The following GRAMD4 variants were observed in gnomAD, a reference collection of about 807,000 sequenced individuals.
GRAMD4 encodes GRAM domain containing 4.
GRAMD4 carries 25 observed loss-of-function variants against 83.9 expected under a neutral mutation model. The ratio of observed to expected loss-of-function variants is 0.30; its 90% confidence interval spans 0.22 to 0.42. GRAMD4 has a LOEUF of 0.42. GRAMD4 is among the 10% of genes least tolerant of loss of function. The probability of loss-of-function intolerance (pLI) is 1.00; values close to 1 mark genes in which losing one functional copy is unlikely to be tolerated. For synonymous variants in GRAMD4, 336 were observed against 320.9 expected (o/e 1.05, Z -0.50); for missense variants, 593 against 788.7 (o/e 0.75, Z 2.97).
At chr22:46,600,083 A>T (rs936178760) in intron 1 of GRAMD4, among the ~76,000 whole-genome samples, 3 of 152,154 alleles carry the variant, frequency 2.0e-5, no homozygotes, top group South Asian at 2.1e-4. Flanking sequence ...TCATAAAAGG[A>T]TTCTTCCTGA....
intron 2 of GRAMD4, among the ~76,000 whole-genome samples, chr22:46,630,314 C>T (rs1423360798): frequency 6.6e-6 from 1 of 152,226 alleles, no homozygotes; most frequent in Non-Finnish European, 1.5e-5. Context: ...ACGTGAGCCA[C>T]CGCGCCCGAC....
intron 3 of GRAMD4, among the ~76,000 whole-genome samples, chr22:46,656,089 C>T (rs996276418): frequency 2.0e-5 from 3 of 151,990 alleles, no homozygotes; most frequent in Non-Finnish European, 4.4e-5. Flanking sequence ...TTCTCCAGGC[C>T]AGCTCAGCTG....
chr22:46,680,705 TCCATCCATCCACCCACCCAC>T (rs2082662249), downstream of GRAMD4, among the ~76,000 whole-genome samples: 2 of 135,554 alleles, frequency 1.5e-5, no homozygotes, highest in East Asian at 2.3e-4. Context: ...CACCCATCCA[TCCATCCATCCACCCACCCAC>T]CCATCCATCC....
intron 1 of GRAMD4, among the ~76,000 whole-genome samples, chr22:46,609,591 C>T (rs1322012614): frequency 6.6e-6 from 1 of 152,220 alleles, no homozygotes; most frequent in Non-Finnish European, 1.5e-5. Context: ...CTGACTCACC[C>T]ATTCATTTGC....
At chr22:46,615,715 C>T (rs1321289279), upstream of GRAMD4, among the ~76,000 whole-genome samples, 1 of 30,252 alleles carries the variant, frequency 3.3e-5, no homozygotes, top group African/African-American at 1.2e-4. Context: ...TTCCCCTGTG[C>T]GTGTAGGTTC....
chr22:46,657,806 T>C (rs922880656), intron 3 of GRAMD4, among the ~76,000 whole-genome samples: 3 of 152,192 alleles, frequency 2.0e-5, no homozygotes, highest in Non-Finnish European at 4.4e-5. Flanking sequence ...GTGGGTGTGG[T>C]GGGCTGGCCA....
chr22:46,673,540 G>A (rs1424971221), intron 14 of GRAMD4, 130 bp from the exon 15 acceptor site: 25 of 1,164,426 alleles, frequency 2.1e-5, no homozygotes, highest in Non-Finnish European at 1.8e-5. Context: ...GCTCTGGGCC[G>A]GAAGGGACCT....
intron 10 of GRAMD4, 72 bp from the exon 11 acceptor site, chr22:46,668,024 A>G (rs1347862738): frequency 6.4e-6 from 7 of 1,095,460 alleles, no homozygotes; most frequent in Non-Finnish European, 9.7e-6. Flanking sequence ...GGAGGGCTCC[A>G]CACTGTTTTG....
At chr22:46,658,570 C>T (rs559248850) in intron 4 of GRAMD4, among the ~76,000 whole-genome samples, 1 of 152,228 alleles carries the variant, frequency 6.6e-6, no homozygotes, top group Non-Finnish European at 1.5e-5. Flanking sequence ...CTCCTGCCAG[C>T]CCCCAGGCCT....
chr22:46,651,109 T>C (rs2082159419), intron 3 of GRAMD4, among the ~76,000 whole-genome samples: 1 of 152,134 alleles, frequency 6.6e-6, no homozygotes, highest in Non-Finnish European at 1.5e-5. Context: ...ATGAGACGGC[T>C]GATGTGCCTT....
At chr22:46,653,724 T>C (rs1421262225) in intron 3 of GRAMD4, among the ~76,000 whole-genome samples, 1 of 152,180 alleles carries the variant, frequency 6.6e-6, no homozygotes, top group Admixed American at 6.5e-5. Flanking sequence ...CTCTGACCTA[T>C]GGATGGAGAG....
intron 15 of GRAMD4, among the ~76,000 whole-genome samples, chr22:46,674,107 A>G (rs1242427608): frequency 6.6e-6 from 1 of 152,212 alleles, no homozygotes; most frequent in Non-Finnish European, 1.5e-5. Context: ...GCGAGGCCTC[A>G]GGGCCTGCAG....
chr22:46,670,844 T>C (rs1238528922), intron 13 of GRAMD4, among the ~76,000 whole-genome samples: 1 of 151,956 alleles, frequency 6.6e-6, no homozygotes, highest in Non-Finnish European at 1.5e-5. Context: ...GACATCATGA[T>C]CCGCCCGCTC....
At chr22:46,652,043 T>C (rs866149046) in intron 3 of GRAMD4, among the ~76,000 whole-genome samples, 1 of 152,102 alleles carries the variant, frequency 6.6e-6, no homozygotes, top group Non-Finnish European at 1.5e-5. Flanking sequence ...CTTGACACGA[T>C]TGTCTCGAGG....
intron 1 of GRAMD4, among the ~76,000 whole-genome samples, chr22:46,608,012 C>A (rs931293538): frequency 1.3e-5 from 2 of 152,210 alleles, no homozygotes; most frequent in Admixed American, 1.3e-4. Flanking sequence ...GTTTGTTGGC[C>A]TCGCCTCCTC....
rs34501287 is a variant in GRAMD4, at chr22:46,668,288, G to C, written c.930+121G>C. 2.8e-5 allele frequency: 19 copies of C among 671,118 alleles called. No individual in the cohort carries two copies. The African/African-American group carries it at 3.4e-4, about 12-fold the overall frequency. The allele number at this position is 671,118 out of a possible 1,614,324, so 41.6% of individuals were successfully genotyped here. On this transcript the variant is annotated intron_variant, in intron 11 of 18. Coordinates refer to ENST00000406902, the MANE Select transcript of GRAMD4 (RefSeq NM_015124.5). ...CCTCCGCTGCTGCCTGGGGAGGGCC[G>C]TGCCTGACACTGCAGGCCCGGTTTG...
chr22:46,616,082 C>CTGTG (rs2081485793), upstream of GRAMD4, among the ~76,000 whole-genome samples: 2 of 143,888 alleles, frequency 1.4e-5, no homozygotes, highest in Non-Finnish European at 3.0e-5. Flanking sequence ...GTAGGTTCCC[C>CTGTG]CAAGCGTGTA....
chr22:46,659,057 G>A lies in GRAMD4; in HGVS notation c.404+750G>A, dbSNP rs913076618. ...TGTCTCGCTAACACCACGAGGCTCCGTGTCCCTCTGCACAAGTTCAAACTG... is the reference window on the plus strand; with the variant it reads ...TGTCTCGCTAACACCACGAGGCTCCATGTCCCTCTGCACAAGTTCAAACTG... On this transcript the variant is annotated intron_variant, in intron 4 of 18. Transcript: ENST00000406902. The surrounding 1 kb of genome is among the most constrained non-coding windows in gnomAD (Gnocchi z 4.1). Among the ~76,000 whole-genome samples, 7 of 152,138 alleles carry A rather than the reference G, an allele frequency of 4.6e-5. No homozygotes were observed. The highest frequency in any genetic ancestry group is 2.0e-4 in the Admixed American group (3 of 15,284).
chr22:46,674,245 G>A (rs938325851), intron 15 of GRAMD4, among the ~76,000 whole-genome samples: 1 of 152,196 alleles, frequency 6.6e-6, no homozygotes, highest in Admixed American at 6.5e-5. Context: ...AAACTAAACC[G>A]GGCAGCTCGA....
Sources: allele counts gnomAD v4.1 joint callset (sites outside exome capture counted in the v4.1 genomes callset), GRCh38; gene constraint gnomAD v4.1.1; non-coding constraint Gnocchi (gnomAD v3.1); transcripts MANE v1.5; gene names NCBI Gene and HGNC (gene_info 2026-07-23, HGNC 2026-07-21).